The following CFAP54 variants were observed in gnomAD, a reference collection of about 807,000 sequenced individuals.
CFAP54 encodes cilia and flagella associated protein 54, also known as cilia- and flagella-associated protein 54.
A neutral mutation model predicts 370.4 loss-of-function variants in CFAP54; 290 were observed. That is an observed-to-expected ratio of 0.78 (90% CI 0.71 to 0.86). The LOEUF is 0.86. Among genes scored for constraint, CFAP54 ranks in the 40% least tolerant of loss-of-function variants. The pLI is 0.00. For missense variants in CFAP54, 3,399 were observed against 3,528.7 expected, an observed-to-expected ratio of 0.96 and a Z score of 0.93; for synonymous variants, 1,206 against 1,236.5, an observed-to-expected ratio of 0.98 and a Z score of 0.52.
chr12:96,779,512 A>G (rs1958560203), intron 60 of CFAP54, among the ~76,000 whole-genome samples: 1 of 151,560 alleles, frequency 6.6e-6, no homozygotes, highest in African/African-American at 2.4e-5. Flanking sequence ...ATAATATGCC[A>G]AGGAATGGAA....
chr12:96,635,722 CTCAGG>C (rs1249250405), intron 32 of CFAP54, among the ~76,000 whole-genome samples: 2 of 152,200 alleles, frequency 1.3e-5, no homozygotes, highest in South Asian at 4.1e-4. Context: ...AGATTCCCTC[CTCAGG>C]TTCGAAAATT....
At chr12:96,831,332 A>G (rs955437805) in intron 66 of CFAP54, among the ~76,000 whole-genome samples, 3 of 152,238 alleles carry the variant, frequency 2.0e-5, no homozygotes, top group African/African-American at 7.2e-5. Context: ...GGAAGAAAAC[A>G]TATGTTAGAG....
At chr12:96,597,144 G>C (rs1024207398) in intron 25 of CFAP54, among the ~76,000 whole-genome samples, 16 of 151,680 alleles carry the variant, frequency 1.1e-4, no homozygotes, top group Non-Finnish European at 2.2e-4. Flanking sequence ...TACCTGACAC[G>C]GTAGTCCCTC....
intron 66 of CFAP54, among the ~76,000 whole-genome samples, chr12:96,846,247 G>A (rs149774825): frequency 1.1e-4 from 16 of 152,212 alleles, no homozygotes; most frequent in African/African-American, 2.9e-4. Context: ...TAAATACTTC[G>A]TCCAGGAAAC....
intron 1 of CFAP54, among the ~76,000 whole-genome samples, chr12:96,490,445 C>A (rs1412344819): frequency 6.6e-6 from 1 of 152,206 alleles, no homozygotes; most frequent in East Asian, 1.9e-4. Context: ...CGAAGTTATT[C>A]CTTTTTCTCC....
intron 58 of CFAP54, among the ~76,000 whole-genome samples, chr12:96,760,717 T>C (rs1226340072): frequency 6.6e-6 from 1 of 152,196 alleles, no homozygotes. Context: ...ATAGATTTTG[T>C]CTTGTTTATG....
chr12:96,863,599 AC>A (rs1235929207), intron 67 of CFAP54, among the ~76,000 whole-genome samples: 1 of 152,172 alleles, frequency 6.6e-6, no homozygotes, highest in Non-Finnish European at 1.5e-5. Context: ...GGAGAGGAAG[AC>A]ATAGTTGAGG....
chr12:96,858,327 G>T (rs1046671630), intron 66 of CFAP54, among the ~76,000 whole-genome samples: 3 of 152,010 alleles, frequency 2.0e-5, no homozygotes, highest in African/African-American at 4.8e-5. Context: ...TCCTTTGCCC[G>T]TTTTTTAGTG....
In CFAP54 at chr12:96,679,485, A is replaced by T; in HGVS notation, c.5564-115A>T. ...ACCTGCTGCAGATCTGGGGGCTTTG[A>T]ATTTAGCGGCTTTAGGTTGGGACCA... On this transcript the variant is annotated intron_variant, in intron 39 of 67. Coordinates refer to ENST00000524981, the MANE Select transcript of CFAP54 (RefSeq NM_001306084.2). 3.5e-6 allele frequency: 4 copies of T among 1,129,758 alleles called. No homozygotes were observed. In the South Asian group the frequency reaches 7.1e-5, roughly 20 times the overall value. The allele number at this position is 1,129,758 out of a possible 1,614,324, so 70.0% of individuals were successfully genotyped here.
At chr12:96,783,654 A>C (rs1009927316) in intron 60 of CFAP54, among the ~76,000 whole-genome samples, 14 of 152,234 alleles carry the variant, frequency 9.2e-5, no homozygotes, top group African/African-American at 3.4e-4. Flanking sequence ...TGGAAGGCCG[A>C]GGCAGGTGAA....
Position 96,708,821 on chromosome 12 carries a change from T to C in CFAP54, c.6724+18T>C, listed in dbSNP as rs1446056143. Reference sequence around the variant, plus strand: ...CTTGGAAGGTAATTGTTTTATTTTTTGCTTATTTCTCTTTCTCCTCCCTTT... The same window carrying C: ...CTTGGAAGGTAATTGTTTTATTTTTCGCTTATTTCTCTTTCTCCTCCCTTT... On this transcript the variant is annotated intron_variant, in intron 48 of 67. Coordinates refer to ENST00000524981, the MANE Select transcript of CFAP54 (RefSeq NM_001306084.2). 1 of 1,580,058 alleles carries C rather than the reference T, an allele frequency of 6.3e-7. No individual in the cohort carries two copies. Among genetic ancestry groups the C allele is most frequent in the Non-Finnish European group, 8.6e-7 (1 of 1,161,656 alleles).
intron 6 of CFAP54, 123 bp downstream of exon 6, chr12:96,519,194 GTT>G (rs1215987206): frequency 2.2e-6 from 2 of 928,582 alleles, no homozygotes; most frequent in African/African-American, 3.4e-5. Flanking sequence ...CACCTCCCAG[GTT>G]CAAGCGATTC....
chr12:96,851,372 C>T (rs1959541712), intron 66 of CFAP54, among the ~76,000 whole-genome samples: 1 of 152,004 alleles, frequency 6.6e-6, no homozygotes, highest in Non-Finnish European at 1.5e-5. Flanking sequence ...TAATTCTATT[C>T]CTAATTTAAG....
chr12:96,713,731 T>C (rs1957640149), intron 48 of CFAP54, among the ~76,000 whole-genome samples: 1 of 149,914 alleles, frequency 6.7e-6, no homozygotes, highest in Admixed American at 6.7e-5. Context: ...TCAGGAAGAG[T>C]CTTAATAAAC....
intron 60 of CFAP54, among the ~76,000 whole-genome samples, chr12:96,768,021 G>A (rs1958417440): frequency 6.6e-6 from 1 of 152,058 alleles, no homozygotes; most frequent in Admixed American, 6.6e-5. Flanking sequence ...ACCCTGAAAT[G>A]ATAGACATTC....
At chr12:96,616,978 G>A (rs1020078336) in intron 26 of CFAP54, among the ~76,000 whole-genome samples, 15 of 152,186 alleles carry the variant, frequency 9.9e-5, no homozygotes, top group African/African-American at 3.4e-4. Context: ...TATGGAAAAA[G>A]TGGAGGTAGA....
chr12:96,826,489 TATATA>T (rs1417311708), intron 65 of CFAP54, among the ~76,000 whole-genome samples: 120 of 113,332 alleles, frequency 1.1e-3, no homozygotes, highest in Middle Eastern at 0.011. Context: ...ATGTAAATAA[TATATA>T]ATATATATCA....
chr12:96,526,885 GT>G (rs34080505), intron 8 of CFAP54, among the ~76,000 whole-genome samples: 1,007 of 97,672 alleles, frequency 0.01, 1 homozygote, highest in East Asian at 0.038. Context: ...CTTATAACAG[GT>G]TTTTTTTTTT....
chr12:96,567,782 G>A (rs897619073), intron 19 of CFAP54, among the ~76,000 whole-genome samples: 44 of 152,026 alleles, frequency 2.9e-4, no homozygotes, highest in African/African-American at 9.4e-4. Flanking sequence ...TCTGCCTCCC[G>A]CCACTGAGAC....
Sources: gnomAD v4.1 joint callset for allele counts (sites outside exome capture counted in the v4.1 genomes callset) on GRCh38, gnomAD v4.1.1 for gene constraint, MANE v1.5 for transcripts, NCBI Gene and HGNC (gene_info 2026-07-23, HGNC 2026-07-21) for gene names.